KCNB2: variants seen among roughly 807,000 people sequenced by gnomAD.
KCNB2 encodes delayed rectifier potassium channel protein.
Under a neutral mutation model 61.5 loss-of-function variants are expected in KCNB2, and 15 were observed. The ratio of observed to expected loss-of-function variants is 0.24; its 90% CI spans 0.16 to 0.38. The LOEUF (loss-of-function observed/expected upper bound fraction) is 0.38. KCNB2 is among the 10% of genes least tolerant of loss of function. KCNB2 has a pLI of 1.00. For missense variants in KCNB2, 828 were observed against 1,125.2 expected (o/e 0.74, Z 3.78); for synonymous variants, 457 against 446.0 (o/e 1.02, Z -0.31).
rs75060312 is a variant in KCNB2, at chr8:72,814,298, C to T, written c.580-121637C>T. Among the ~76,000 whole-genome samples, 732 of 152,206 alleles carry T rather than the reference C, an allele frequency of 4.8e-3. 6 individuals are homozygous for T. The highest frequency in any genetic ancestry group is 8.2e-3 in the Admixed American group (125 of 15,280). On this transcript the variant is annotated intron_variant, in intron 2 of 2. Transcript: ENST00000523207. Reference sequence around the variant, plus strand: ...TGGAGCTATTGTGAATATCTTGTACCGCTTATAAGCATTCTTGTTCATGAT... The same window carrying T: ...TGGAGCTATTGTGAATATCTTGTACTGCTTATAAGCATTCTTGTTCATGAT...
chr8:72,909,704 A>G (rs902185116), intron 2 of KCNB2, among the ~76,000 whole-genome samples: 8 of 152,098 alleles, frequency 5.3e-5, no homozygotes, highest in African/African-American at 1.9e-4. Context: ...AAAAGGATGA[A>G]GAGTAATGTG....
intron 2 of KCNB2, among the ~76,000 whole-genome samples, chr8:72,611,952 C>T (rs1441156252): frequency 6.6e-6 from 1 of 151,806 alleles, no homozygotes; most frequent in Non-Finnish European, 1.5e-5. Context: ...TTGCCTGAAA[C>T]ATGTTAAAAA....
chr8:72,758,120 T>C (rs1235246985), intron 2 of KCNB2, among the ~76,000 whole-genome samples: 2 of 152,096 alleles, frequency 1.3e-5, no homozygotes, highest in Admixed American at 6.5e-5. Flanking sequence ...GCAGGACTCA[T>C]GGTGTCTGAT....
intron 2 of KCNB2, among the ~76,000 whole-genome samples, chr8:72,765,227 G>A (rs1563378593): frequency 6.6e-6 from 1 of 152,196 alleles, no homozygotes; most frequent in Non-Finnish European, 1.5e-5. Context: ...TCTGTCAACA[G>A]TTTCCTCCTA....
At chr8:72,931,648 G>T (rs1806787132) in intron 2 of KCNB2, among the ~76,000 whole-genome samples, 3 of 152,118 alleles carry the variant, frequency 2.0e-5, no homozygotes, top group Admixed American at 2.0e-4. Context: ...ACATAATTCT[G>T]TTTGCTAGAG....
chr8:72,897,364 A>G (rs924042443), intron 2 of KCNB2, among the ~76,000 whole-genome samples: 1 of 152,178 alleles, frequency 6.6e-6, no homozygotes, highest in Non-Finnish European at 1.5e-5. Flanking sequence ...TTAGCAGGAT[A>G]GTAGAGAATA....
intron 2 of KCNB2, among the ~76,000 whole-genome samples, chr8:72,920,257 A>G (rs1482025): frequency 0.21 from 31,688 of 150,902 alleles, 3,605 homozygotes; most frequent in Admixed American, 0.29. Flanking sequence ...TTAGAAACCA[A>G]TATCAATCAA....
chr8:72,670,882 C>A (rs1170211688), intron 2 of KCNB2, among the ~76,000 whole-genome samples: 1 of 152,120 alleles, frequency 6.6e-6, no homozygotes, highest in Non-Finnish European at 1.5e-5. Context: ...TTACCTCTCC[C>A]AAAACAGCTG....
chr8:72,793,067 G>A (rs1314871143), intron 2 of KCNB2, among the ~76,000 whole-genome samples: 2 of 152,160 alleles, frequency 1.3e-5, no homozygotes, highest in Non-Finnish European at 2.9e-5. Context: ...CAACTAAAAT[G>A]TCCTGGATTT....
At chr8:72,745,279 C>T (rs2128995029) in intron 2 of KCNB2, among the ~76,000 whole-genome samples, 1 of 152,234 alleles carries the variant, frequency 6.6e-6, no homozygotes, top group Middle Eastern at 3.4e-3. Flanking sequence ...AGAAAATGAA[C>T]ATGCATATTT....
At chr8:72,558,927 A>G (rs1806469175) in intron 1 of KCNB2, among the ~76,000 whole-genome samples, 1 of 151,994 alleles carries the variant, frequency 6.6e-6, no homozygotes, top group South Asian at 2.1e-4. Flanking sequence ...TGAAGAGGGG[A>G]AAGAAAAGAA....
chr8:72,799,335 A>G (rs932952515), intron 2 of KCNB2, among the ~76,000 whole-genome samples: 19 of 152,200 alleles, frequency 1.2e-4, no homozygotes, highest in African/African-American at 4.6e-4. Flanking sequence ...AAAAAACTAA[A>G]TAAATAACCA....
At chr8:72,574,358 A>T (rs1467341254) in intron 2 of KCNB2, among the ~76,000 whole-genome samples, 1 of 152,182 alleles carries the variant, frequency 6.6e-6, no homozygotes, top group South Asian at 2.1e-4. Context: ...TCCCATTGTG[A>T]CCTAGGGTGC....
chr8:72,691,303 C>G (rs1806936887), intron 2 of KCNB2, among the ~76,000 whole-genome samples: 1 of 152,128 alleles, frequency 6.6e-6, no homozygotes, highest in Non-Finnish European at 1.5e-5. Flanking sequence ...ACCAAATTAC[C>G]AGTTGACTTA....
chr8:72,718,189 A>C (rs7357485), intron 2 of KCNB2, among the ~76,000 whole-genome samples: 1 of 151,280 alleles, frequency 6.6e-6, no homozygotes, highest in Non-Finnish European at 1.5e-5. Context: ...GATGTGGAGA[A>C]ATAGGAACAC....
chr8:72,729,263 A>G (rs987488087), intron 2 of KCNB2, among the ~76,000 whole-genome samples: 16 of 152,200 alleles, frequency 1.1e-4, no homozygotes, highest in Non-Finnish European at 2.1e-4. Flanking sequence ...TCTGCTAGGA[A>G]TGCGCACCAA....
chr8:72,782,795 C>T (rs1008274140), intron 2 of KCNB2, among the ~76,000 whole-genome samples: 10 of 152,052 alleles, frequency 6.6e-5, no homozygotes, highest in Non-Finnish European at 1.3e-4. Flanking sequence ...TTCTGTTGAC[C>T]TTGGCAGAGT....
chr8:72,753,449 T>C (rs1808234672), intron 2 of KCNB2, among the ~76,000 whole-genome samples: 1 of 152,194 alleles, frequency 6.6e-6, no homozygotes, highest in Non-Finnish European at 1.5e-5. Context: ...AAGGAGCTTA[T>C]AGTCTAGTCC....
rs907515350 is a variant in KCNB2, at chr8:72,616,636, A to T, written c.579+48323A>T. Among the ~76,000 whole-genome samples the T allele has an allele frequency of 3.9e-5, 6 of 152,246 alleles. No homozygotes were observed. The East Asian group carries it at 1.2e-3, about 29-fold the overall frequency. The stretch of plus-strand genomic sequence containing the variant: ...CACTGTCTGAATTGTCAAGCACTTC[A>T]TTTCATGTAGCACTGTCTGAAATTT... On this transcript the variant is annotated intron_variant, in intron 2 of 2. Transcript: ENST00000523207.
Sources: allele counts gnomAD v4.1 joint callset (sites outside exome capture counted in the v4.1 genomes callset), GRCh38; gene constraint gnomAD v4.1.1; transcripts MANE v1.5; gene names NCBI Gene and HGNC (gene_info 2026-07-23, HGNC 2026-07-21).